DAPK1: variants seen among roughly 807,000 people sequenced by gnomAD.
DAPK1 encodes the protein death-associated protein kinase 1.
Under a neutral mutation model 144.9 loss-of-function variants are expected in DAPK1, and 56 were observed. The observed-to-expected ratio is 0.39, with a 90% CI of 0.31 to 0.48. DAPK1 has a LOEUF of 0.48. DAPK1 is among the 20% of genes least tolerant of loss of function. The pLI is 0.95. For missense variants in DAPK1, 1,454 were observed against 1,875.4 expected (o/e 0.78, Z 4.15); for synonymous variants, 690 against 749.0 (o/e 0.92, Z 1.29).
chr9:87,563,421 G>A (rs7865920), intron 2 of DAPK1, among the ~76,000 whole-genome samples: 102,851 of 152,066 alleles, frequency 0.68, 36,428 homozygotes, highest in African/African-American at 0.89. Context: ...TCCACTCTGG[G>A]ATGGGTTGTA....
intron 2 of DAPK1, among the ~76,000 whole-genome samples, chr9:87,540,183 C>CT (rs33925780): frequency 0.022 from 1,457 of 65,750 alleles, 35 homozygotes; most frequent in Middle Eastern, 0.042. Flanking sequence ...TTGTTAATCT[C>CT]TTTTTTTTTT....
chr9:87,508,726 A>G (rs1462727352), intron 2 of DAPK1, among the ~76,000 whole-genome samples: 2 of 151,250 alleles, frequency 1.3e-5, no homozygotes, highest in African/African-American at 4.9e-5. Context: ...AAAGACATGT[A>G]GAGAAAGTCA....
intron 12 of DAPK1, 128 bp downstream of exon 12, chr9:87,646,142 A>G (rs1830259576): frequency 8.6e-7 from 1 of 1,165,956 alleles, no homozygotes; most frequent in Non-Finnish European, 1.2e-6. Flanking sequence ...TGTGGGGAAA[A>G]TCACTTCTGT....
chr9:87,525,807 T>C (rs551794362), intron 2 of DAPK1, among the ~76,000 whole-genome samples: 1 of 152,258 alleles, frequency 6.6e-6, no homozygotes, highest in East Asian at 1.9e-4. Context: ...CCCCTCCCTC[T>C]TGCCTTCTGC....
Position 87,537,012 on chromosome 9 carries a change from G to A in DAPK1, c.62+37873G>A, listed in dbSNP as rs78508308. Among the ~76,000 whole-genome samples the A allele has an allele frequency of 6.8e-3, 1,031 of 150,762 alleles. 15 individuals are homozygous for A. The highest frequency in any genetic ancestry group is 0.024 in the African/African-American group (991 of 40,996). On this transcript the variant is annotated intron_variant, in intron 2 of 25. Coordinates refer to ENST00000408954, the MANE Select transcript of DAPK1 (RefSeq NM_004938.4). The stretch of plus-strand genomic sequence containing the variant: ...TCTTTTTTTTTTTTTTCTTGAGATG[G>A]AGTCTCACACAGTCACCCAGTCTGG...
At chr9:87,699,923 G>T (rs1287129466) in intron 23 of DAPK1, among the ~76,000 whole-genome samples, 194 bp from the exon 24 acceptor site, 6 of 152,134 alleles carry the variant, frequency 3.9e-5, no homozygotes, top group African/African-American at 1.4e-4. Context: ...CTATATGCCA[G>T]TTTCCCCAAG....
intron 18 of DAPK1, among the ~76,000 whole-genome samples, chr9:87,660,773 G>C (rs1016364581): frequency 6.6e-6 from 1 of 152,120 alleles, no homozygotes; most frequent in African/African-American, 2.4e-5. Flanking sequence ...TTAGCATAAC[G>C]GCCTCCATTT....
intron 2 of DAPK1, among the ~76,000 whole-genome samples, chr9:87,554,904 A>G (rs1826647115): frequency 6.6e-6 from 1 of 152,166 alleles, no homozygotes; most frequent in South Asian, 2.1e-4. Context: ...TTCTGGTGGC[A>G]AGTTCTCTGC....
At chr9:87,700,345 G>A (rs1488461660) in intron 24 of DAPK1, 108 bp downstream of exon 24, 3 of 807,200 alleles carry the variant, frequency 3.7e-6, no homozygotes, top group Non-Finnish European at 6.3e-6. Context: ...GTGTCTGCCT[G>A]GACATGTCTT....
intron 2 of DAPK1, among the ~76,000 whole-genome samples, chr9:87,604,092 T>C (rs532371729): frequency 3.3e-5 from 5 of 152,294 alleles, no homozygotes; most frequent in African/African-American, 1.2e-4. Flanking sequence ...TTCCTTTTAC[T>C]GGCTCTGCTT....
intron 3 of DAPK1, among the ~76,000 whole-genome samples, chr9:87,637,231 C>A (rs565539037): frequency 6.6e-6 from 1 of 152,068 alleles, no homozygotes. Flanking sequence ...GTAGCTGAGA[C>A]TACAGGCACA....
At chr9:87,616,338 T>C (rs1407312104) in intron 3 of DAPK1, among the ~76,000 whole-genome samples, 1 of 152,184 alleles carries the variant, frequency 6.6e-6, no homozygotes, top group Non-Finnish European at 1.5e-5. Context: ...CCCACAGCAC[T>C]GAAGACTGTG....
intron 2 of DAPK1, among the ~76,000 whole-genome samples, chr9:87,571,905 C>T (rs1827376130): frequency 6.6e-6 from 1 of 152,242 alleles, no homozygotes; most frequent in African/African-American, 2.4e-5. Context: ...CTTGAGCCAG[C>T]TCTTTGGTTG....
intron 14 of DAPK1, among the ~76,000 whole-genome samples, chr9:87,647,908 C>T (rs1830325791): frequency 6.6e-6 from 1 of 152,222 alleles, no homozygotes; most frequent in Admixed American, 6.5e-5. Flanking sequence ...ACCTTGTTTT[C>T]ATATGTGTGT....
At chr9:87,568,642 C>G (rs144858717) in intron 2 of DAPK1, among the ~76,000 whole-genome samples, 144 of 152,282 alleles carry the variant, frequency 9.5e-4, no homozygotes, top group African/African-American at 3.3e-3. Flanking sequence ...CCTCCGTCCT[C>G]TCTGCACAAG....
chr9:87,585,364 C>T (rs560757213), intron 2 of DAPK1, among the ~76,000 whole-genome samples: 2 of 152,184 alleles, frequency 1.3e-5, no homozygotes, highest in African/African-American at 4.8e-5. Context: ...TGAATGGAGA[C>T]TTGTAGATGC....
At chr9:87,567,182 T>C (rs913422433) in intron 2 of DAPK1, among the ~76,000 whole-genome samples, 1 of 152,176 alleles carries the variant, frequency 6.6e-6, no homozygotes, top group African/African-American at 2.4e-5. Context: ...ACTTTAGAAA[T>C]GCTTGGCCTC....
intron 2 of DAPK1, among the ~76,000 whole-genome samples, chr9:87,602,262 C>T (rs1828550722): frequency 6.6e-6 from 1 of 152,178 alleles, no homozygotes; most frequent in African/African-American, 2.4e-5. Flanking sequence ...AGCCAGTACC[C>T]CAGCATCCAC....
At chr9:87,659,337 A>T (rs1340229743) in intron 18 of DAPK1, among the ~76,000 whole-genome samples, 1 of 152,072 alleles carries the variant, frequency 6.6e-6, no homozygotes, top group African/African-American at 2.4e-5. Flanking sequence ...CGCACACACC[A>T]TACCCACATC....
Sources: allele counts gnomAD v4.1 joint callset (sites outside exome capture counted in the v4.1 genomes callset), GRCh38; gene constraint gnomAD v4.1.1; transcripts MANE v1.5; gene names NCBI Gene and HGNC (gene_info 2026-07-23, HGNC 2026-07-21).